The following CFAP410 variants were observed in gnomAD, a reference collection of about 807,000 sequenced individuals.
CFAP410 encodes cilia and flagella associated protein 410, also known as cilia- and flagella-associated protein 410.
In CFAP410, 27 loss-of-function variants were observed where a neutral mutation model predicts 25.7. That is an observed-to-expected ratio of 1.05 (90% CI 0.77 to 1.45). The LOEUF is 1.45. Ranked by LOEUF, CFAP410 falls within the 40% of genes most tolerant of loss-of-function variation. CFAP410 has a pLI of 0.00. For missense variants in CFAP410, 428 were observed against 354.1 expected (o/e 1.21, Z -1.67); for synonymous variants, 178 against 158.4 (o/e 1.12, Z -0.93).
chr21:44,330,874 GC>G lies in CFAP410; in HGVS notation c.590del (p.Gly197AlafsTer21). On this transcript the variant is annotated frameshift_variant, in exon 6 of 7. Coordinates refer to ENST00000339818, the MANE Select transcript of CFAP410 (RefSeq NM_004928.3). LOFTEE classifies it high-confidence loss of function. ...CCCTGGCTGAGAGGGAAGGAAACTG[GC>G]CCCGGGAAGGCGGCTTCAGGCCACG... is the stretch of plus-strand genomic sequence containing the variant. ...DERGLKPPSR[G>X]QFPSLSARDA... 1.9e-6 allele frequency: 3 copies of G among 1,604,446 alleles called. No homozygotes were observed. Among genetic ancestry groups the G allele is most frequent in the Admixed American group, 1.7e-5 (1 of 59,550 alleles).
At position 44,330,193 on chromosome 21, in the gene CFAP410, T is replaced by G; in HGVS notation, c.*5A>C. ...GGAGGCTGGAGCGGCGTTCAGGTCC[T>G]GCGGTCACTCGGCGTGCTCCTGCAC... On this transcript the variant is annotated 3_prime_UTR_variant, in exon 7 of 7. Transcript: ENST00000339818. 1.3e-6 allele frequency: 2 copies of G among 1,559,314 alleles called. No homozygotes were observed. Among genetic ancestry groups the G allele is most frequent in the Non-Finnish European group, 1.7e-6 (2 of 1,157,426 alleles).
rs762918001 is a variant in CFAP410 at position 44,333,063 on chromosome 21, G to C, written c.343C>G (p.Leu115Val). ...TTGTCCAGCTTCTGTAGGCGCGGCA[G>C]GGTGCGCAGCACGGTCATGCGGTAG... ...HRYRMTVLRT[L>V]PRLQKLDNQA... The change falls in exon 4 of 7, where the codon CTG becomes GTG. Residue 115 changes from leucine (L) to valine (V), a missense_variant. Transcript: ENST00000339818. The C allele has an allele frequency of 1.8e-5, 29 of 1,601,036 alleles. No homozygotes were observed. The African/African-American group carries it at 3.9e-4, about 21-fold the overall frequency.
At position 44,339,241 on chromosome 21, in the gene CFAP410, C is replaced by T; in HGVS notation, c.-47G>A. ...GGCGGGCGCCCCCGGCCTCCTGATC[C>T]CGGGCGGGTGACGACTGCGCGGCGC... On this transcript the variant is annotated 5_prime_UTR_variant, in exon 1 of 7. Coordinates refer to ENST00000339818, the MANE Select transcript of CFAP410 (RefSeq NM_004928.3). 2 of 1,280,606 alleles carry T rather than the reference C, an allele frequency of 1.6e-6. No individual in the cohort carries two copies. The highest frequency in any genetic ancestry group is 2.1e-6 in the Non-Finnish European group (2 of 968,876). 79.3% of individuals were successfully genotyped at this position (1,280,606 alleles called of 1,614,324 possible).
intron 4 of CFAP410, chr21:44,332,540 T>G: frequency 6.1e-6 from 1 of 165,158 alleles, no homozygotes; most frequent in Non-Finnish European, 1.3e-5. Context: ...GTGCCTCCAA[T>G]AGGTGGAGCG....
chr21:44,334,194 G>A, intron 3 of CFAP410: 1 of 456,314 alleles, frequency 2.2e-6, no homozygotes, highest in Non-Finnish European at 4.4e-6. Flanking sequence ...AGGCGTGCAG[G>A]CACCACGCAC....
At position 44,330,911 on chromosome 21, in the gene CFAP410, G is replaced by A; in HGVS notation, c.554C>T (p.Ala185Val). ...CGGCTTCAGGCCACGTTCATCCTGG[G>A]CGCCGCTGCTGAGAGGGAGACAAAG... Reference protein sequence around the residue: ...LDSEEEATSGAQDERGLKPPS... With the variant: ...LDSEEEATSGVQDERGLKPPS... The change falls in exon 6 of 7, where the codon GCC (alanine) becomes GTC (valine). Residue 185 changes from alanine (A) to valine (V), a missense_variant. Coordinates refer to ENST00000339818, the MANE Select transcript of CFAP410 (RefSeq NM_004928.3). 6.3e-7 allele frequency: 1 copy of A among 1,593,936 alleles called. No individual in the cohort carries two copies. Among genetic ancestry groups the A allele is most frequent in the Non-Finnish European group, 8.6e-7 (1 of 1,167,462 alleles).
At chr21:44,334,127 G>A (rs1165070233) in intron 3 of CFAP410, 2 of 456,158 alleles carry the variant, frequency 4.4e-6, no homozygotes, top group African/African-American at 2.0e-5. Flanking sequence ...AGGCAGCAGC[G>A]TGATGTACCG....
intron 1 of CFAP410, chr21:44,338,782 GGCT>G (rs2047804750): frequency 2.8e-5 from 2 of 72,452 alleles, no homozygotes; most frequent in African/African-American, 5.9e-5. Context: ...GCCCCGCCCC[GGCT>G]CCTCCCTCCG....
chr21:44,339,120 G>C lies in CFAP410; in HGVS notation c.75C>G (p.Cys25Trp). The C allele has an allele frequency of 6.9e-7, 1 of 1,452,412 alleles. No individual in the cohort carries two copies. The highest frequency in any genetic ancestry group is 9.1e-7 in the Non-Finnish European group (1 of 1,095,868). 90.0% of individuals were successfully genotyped at this position (1,452,412 alleles called of 1,614,324 possible). Residue 25 changes from cysteine (C) to tryptophan (W), a missense_variant and splice_region_variant, in exon 1 of 7, where the codon TGC becomes TGG. Coordinates refer to ENST00000339818, the MANE Select transcript of CFAP410 (RefSeq NM_004928.3). ...GCCGCGGCCAGGCCCCGCCTCACCA[G>C]CAGTTGAGCTTGCGCACGCTGTGCA... is the stretch of plus-strand genomic sequence containing the variant. ...SELHSVRKLN[C>W]WGSRLTDISI...
At chr21:44,333,943 C>T (rs1260411038) in intron 3 of CFAP410, 2 of 367,210 alleles carry the variant, frequency 5.4e-6, no homozygotes, top group Admixed American at 3.3e-5. Flanking sequence ...CTCAGAAGGG[C>T]GGTCACCAGG....
In CFAP410 at chr21:44,330,932, C is replaced by A; in HGVS notation, c.546-13G>T. 6.4e-7 allele frequency: 1 copy of A among 1,573,972 alleles called. No homozygotes were observed. The highest frequency in any genetic ancestry group is 1.8e-5 in the Admixed American group (1 of 56,634). Reference sequence around the variant, plus strand: ...CTGGGCGCCGCTGCTGAGAGGGAGACAAAGGCGTGTGAGGGTCAGGGGGCT... The same window carrying A: ...CTGGGCGCCGCTGCTGAGAGGGAGAAAAAGGCGTGTGAGGGTCAGGGGGCT... On this transcript the variant is annotated splice_polypyrimidine_tract_variant and intron_variant, in intron 5 of 6. Transcript: ENST00000339818.
Position 44,339,281 on chromosome 21 carries a change from G to A in CFAP410, c.-87C>T. On this transcript the variant is annotated 5_prime_UTR_variant, in exon 1 of 7. Transcript: ENST00000339818. ...CTGCGCGGCGCGTGTCTCCAGGGGC[G>A]GGGCCCGCGTCGTCAGGGGCGGATC... 3 of 836,826 alleles carry A rather than the reference G, an allele frequency of 3.6e-6. No homozygotes were observed. Among genetic ancestry groups the A allele is most frequent in the Non-Finnish European group, 5.1e-6 (3 of 590,500 alleles). 51.8% of individuals were successfully genotyped at this position (836,826 alleles called of 1,614,324 possible). A position where few individuals can be genotyped will look rare whatever the true frequency, so the allele number is the denominator to read the frequency against.
chr21:44,333,267 A>G lies in CFAP410; in HGVS notation c.144-5T>C. 1 of 1,606,894 alleles carries G rather than the reference A, an allele frequency of 6.2e-7. No homozygotes were observed. Among genetic ancestry groups the G allele is most frequent in the Non-Finnish European group, 8.5e-7 (1 of 1,176,628 alleles). Reference sequence around the variant, plus strand: ...AGGGTGGAGATGCTGTTGACACTGCACGGAGACCAGCACAGTCAGCGAGGG... The same window carrying G: ...AGGGTGGAGATGCTGTTGACACTGCGCGGAGACCAGCACAGTCAGCGAGGG... On this transcript the variant is annotated splice_polypyrimidine_tract_variant and splice_region_variant and intron_variant, in intron 3 of 6. Coordinates refer to ENST00000339818, the MANE Select transcript of CFAP410 (RefSeq NM_004928.3).
chr21:44,330,434 CG>C, intron 6 of CFAP410, 108 bp from the exon 7 acceptor site: 1 of 1,549,222 alleles, frequency 6.5e-7, no homozygotes, highest in Non-Finnish European at 8.7e-7. Flanking sequence ...CGACTGGTCC[CG>C]GGGGTGTGGG....
intron 2 of CFAP410, among the ~76,000 whole-genome samples, chr21:44,336,514 G>GA (rs1436175767): frequency 6.6e-6 from 1 of 152,132 alleles, no homozygotes; most frequent in Non-Finnish European, 1.5e-5. Context: ...GGTGCCCGGG[G>GA]TGGTCCACAA....
In CFAP410 at chr21:44,333,189, G is replaced by A. The variant is rs377552361; in HGVS notation, c.217C>T (p.Arg73Cys). ...AAGAGCTCAGCCAGGCTGGGGATGCGGTTCCTCCGCAGGTACAGCTCACTC... is the reference window on the plus strand; with the variant it reads ...AAGAGCTCAGCCAGGCTGGGGATGCAGTTCCTCCGCAGGTACAGCTCACTC... The part of the protein sequence containing the change: ...RLSELYLRRN[R>C]IPSLAELFYL... Residue 73 changes from arginine to cysteine, a missense_variant, in exon 4 of 7, where the codon CGC (arginine) becomes TGC (cysteine). Arg to Cys is a radical substitution (Grantham distance 180). Coordinates refer to ENST00000339818, the MANE Select transcript of CFAP410 (RefSeq NM_004928.3). The A allele has an allele frequency of 1.4e-5, 23 of 1,612,902 alleles. No homozygotes were observed. The highest frequency in any genetic ancestry group is 4.5e-5 in the East Asian group (2 of 44,886).
chr21:44,334,397 T>C (rs1463449553), intron 3 of CFAP410: 2 of 404,444 alleles, frequency 4.9e-6, no homozygotes, highest in African/African-American at 4.2e-5. Context: ...CACGTTTCCC[T>C]GTCAGGTAAG....
chr21:44,335,126 G>A lies in CFAP410; in HGVS notation c.143+632C>T, dbSNP rs139797762. On this transcript the variant is annotated intron_variant, in intron 3 of 6. Transcript: ENST00000339818. The stretch of plus-strand genomic sequence containing the variant: ...TGGTGGGCAGTGGTGAGCCATGAGC[G>A]TCTGCTCCCTCCGTGGGTCCCACAG... 1.9e-3 allele frequency: 299 copies of A among 154,236 alleles called. 2 individuals are homozygous for A. The highest frequency in any genetic ancestry group is 3.2e-3 in the Non-Finnish European group (222 of 69,314). 9.6% of individuals were successfully genotyped at this position (154,236 alleles called of 1,614,324 possible). A position where few individuals can be genotyped will look rare whatever the true frequency, so the allele number is the denominator to read the frequency against.
intron 5 of CFAP410, chr21:44,331,146 C>T (rs1651527054): frequency 3.4e-6 from 2 of 580,860 alleles, no homozygotes; most frequent in African/African-American, 3.7e-5. Context: ...CCTCCCGGCA[C>T]CCTGGGGCTC....
Sources: gnomAD v4.1 joint callset for allele counts (sites outside exome capture counted in the v4.1 genomes callset) on GRCh38, gnomAD v4.1.1 for gene constraint, MANE v1.5 for transcripts, NCBI Gene and HGNC (gene_info 2026-07-23, HGNC 2026-07-21) for gene names.